The following ARHGEF12 variants were observed in gnomAD, a reference collection of about 807,000 sequenced individuals.
The protein encoded by ARHGEF12 is Rho guanine nucleotide exchange factor 12, also known as KMT2A/ARHGEF12 fusion protein.
Under a neutral mutation model 211.2 loss-of-function variants are expected in ARHGEF12, and 66 were observed. The ratio of observed to expected loss-of-function variants is 0.31; its 90% CI spans 0.26 to 0.38. ARHGEF12 has a LOEUF of 0.38. ARHGEF12 is among the 10% of genes least tolerant of loss of function. ARHGEF12 has a pLI of 1.00. For missense variants in ARHGEF12, 1,429 were observed against 1,869.5 expected, an observed-to-expected ratio of 0.76 and a Z score of 4.34; for synonymous variants, 592 against 638.4, an observed-to-expected ratio of 0.93 and a Z score of 1.09.
Position 120,446,925 on chromosome 11 carries a change from G to C in ARHGEF12, c.1452-23G>C, listed in dbSNP as rs183519702. 2.9e-4 allele frequency: 460 copies of C among 1,607,346 alleles called. 2 individuals are homozygous for C. In the African/African-American group the frequency reaches 5.6e-3, roughly 20 times the overall value. ...GGTAGTTTTTCTTTAGGCTACCTCAGGAAACTTCTCTATTCCCTTCAGGCA... is the reference window on the plus strand; with the variant it reads ...GGTAGTTTTTCTTTAGGCTACCTCACGAAACTTCTCTATTCCCTTCAGGCA... On this transcript the variant is annotated intron_variant, in intron 17 of 40. Coordinates refer to ENST00000397843, the MANE Select transcript of ARHGEF12 (RefSeq NM_015313.3).
At chr11:120,394,641 GAGAAAATTAATAAAATTATTAAACCTCT>G (rs1473989685) in intron 1 of ARHGEF12, among the ~76,000 whole-genome samples, 12 of 151,814 alleles carry the variant, frequency 7.9e-5, no homozygotes, top group Non-Finnish European at 1.2e-4. Flanking sequence ...TGGTTCTTTT[GAGAAAATTAATAAAATTATTAAACCTCT>G]AGCCAGCTGA....
chr11:120,479,876 G>T, intron 37 of ARHGEF12, 84 bp from the exon 38 acceptor site: 3 of 1,101,660 alleles, frequency 2.7e-6, no homozygotes, highest in Middle Eastern at 2.1e-4. Context: ...ATAGATCATT[G>T]GTAAGTCAGC....
intron 1 of ARHGEF12, among the ~76,000 whole-genome samples, chr11:120,399,865 C>G (rs1016879773): frequency 6.6e-6 from 1 of 151,974 alleles, no homozygotes; most frequent in Non-Finnish European, 1.5e-5. Flanking sequence ...GAGTAGTACT[C>G]TTTTTTTAAA....
chr11:120,377,435 G>T (rs553478650), intron 1 of ARHGEF12, among the ~76,000 whole-genome samples: 1 of 152,018 alleles, frequency 6.6e-6, no homozygotes, highest in South Asian at 2.1e-4. Context: ...TAATATCCTG[G>T]GCTCAAGTGA....
intron 27 of ARHGEF12, 78 bp downstream of exon 27, chr11:120,460,835 C>A (rs1377789654): frequency 4.1e-6 from 5 of 1,221,432 alleles, no homozygotes; most frequent in Middle Eastern, 1.9e-4. Flanking sequence ...ACTAACCTTT[C>A]CAAATATGCA....
rs771438057 is a variant in ARHGEF12, at chr11:120,446,937, A to T, written c.1452-11A>T. On this transcript the variant is annotated splice_polypyrimidine_tract_variant and intron_variant, in intron 17 of 40. Transcript: ENST00000397843. ...TTAGGCTACCTCAGGAAACTTCTCT[A>T]TTCCCTTCAGGCAGAAACGTAGTAT... The T allele has an allele frequency of 2.5e-5, 40 of 1,612,086 alleles. No homozygotes were observed. Among genetic ancestry groups the T allele is most frequent in the Non-Finnish European group, 3.2e-5 (38 of 1,179,394 alleles).
chr11:120,406,898 A>C (rs2135574823), intron 2 of ARHGEF12, among the ~76,000 whole-genome samples: 1 of 152,276 alleles, frequency 6.6e-6, no homozygotes, highest in South Asian at 2.1e-4. Flanking sequence ...AAAAATCCAA[A>C]ATGTTAAAAT....
chr11:120,406,249 A>G, intron 2 of ARHGEF12, 108 bp downstream of exon 2: 3 of 654,920 alleles, frequency 4.6e-6, no homozygotes, highest in Non-Finnish European at 4.8e-6. Context: ...ATGTGTATTC[A>G]AGTAATTCAA....
intron 1 of ARHGEF12, among the ~76,000 whole-genome samples, chr11:120,400,437 T>G (rs1434244536): frequency 4.6e-5 from 7 of 152,198 alleles, no homozygotes. Flanking sequence ...GTGAGGATAC[T>G]TGTTTAAGTA....
At chr11:120,350,612 T>G (rs1012249118) in intron 1 of ARHGEF12, among the ~76,000 whole-genome samples, 2 of 150,002 alleles carry the variant, frequency 1.3e-5, no homozygotes, top group African/African-American at 4.9e-5. Flanking sequence ...TTTAAAAATG[T>G]GGTTACTTTC....
chr11:120,408,006 A>G (rs918588593), intron 3 of ARHGEF12, 183 bp downstream of exon 3: 2 of 512,284 alleles, frequency 3.9e-6, no homozygotes, highest in Admixed American at 3.5e-5. Flanking sequence ...TTAACTTCCA[A>G]CACTGTACAT....
At chr11:120,349,022 A>G (rs770695825) in intron 1 of ARHGEF12, among the ~76,000 whole-genome samples, 1 of 152,202 alleles carries the variant, frequency 6.6e-6, no homozygotes, top group South Asian at 2.1e-4. Context: ...CATTTTGGGT[A>G]AGGGATACCC....
chr11:120,416,383 A>G (rs962209320), intron 4 of ARHGEF12, among the ~76,000 whole-genome samples: 2 of 152,220 alleles, frequency 1.3e-5, no homozygotes, highest in Non-Finnish European at 2.9e-5. Context: ...ATAAAAACAA[A>G]TACAAATCAG....
chr11:120,394,896 A>G (rs1403968395), intron 1 of ARHGEF12, among the ~76,000 whole-genome samples: 5 of 151,808 alleles, frequency 3.3e-5, no homozygotes, highest in Non-Finnish European at 7.4e-5. Flanking sequence ...CATCTTTACT[A>G]AAAATACAAA....
At chr11:120,472,104 C>T (rs1946885455) in intron 30 of ARHGEF12, among the ~76,000 whole-genome samples, 1 of 151,782 alleles carries the variant, frequency 6.6e-6, no homozygotes, top group Non-Finnish European at 1.5e-5. Context: ...GGAACAGTCC[C>T]CAAGATATAA....
rs1185592894 is a variant in ARHGEF12, at chr11:120,336,438, C to T, written c.-806C>T. On this transcript the variant is annotated 5_prime_UTR_variant, in exon 1 of 41. Transcript: ENST00000397843. ...AGAACCCGGCGAGCCGGCCCTGCGC[C>T]GGGAGACGCCGCCGCCTCCGCCTCC... Among the ~76,000 whole-genome samples the T allele has an allele frequency of 6.6e-6, 1 of 151,446 alleles. No homozygotes were observed. The highest frequency in any genetic ancestry group is 1.5e-5 in the Non-Finnish European group (1 of 67,788).
chr11:120,431,631 A>G, intron 10 of ARHGEF12, 140 bp from the exon 11 acceptor site: 1 of 817,824 alleles, frequency 1.2e-6, no homozygotes, highest in Non-Finnish European at 1.7e-6. Flanking sequence ...TAGAATTTTA[A>G]ACATACTTGA....
In ARHGEF12 at chr11:120,424,230, A is replaced by C. The variant is rs1945277597; in HGVS notation, c.349-128A>C. The C allele has an allele frequency of 8.8e-6, 5 of 565,538 alleles. No individual in the cohort carries two copies. In the South Asian group the frequency reaches 1.7e-4, roughly 19 times the overall value. 35.0% of individuals were successfully genotyped at this position (565,538 alleles called of 1,614,324 possible). ...TGAAAATGAATATTGAATCAAATAC[A>C]TAAATATTTTAATGTAATGTGATTA... On this transcript the variant is annotated intron_variant, in intron 6 of 40. Transcript: ENST00000397843.
At chr11:120,354,196 A>G (rs1365774364) in intron 1 of ARHGEF12, among the ~76,000 whole-genome samples, 1 of 152,156 alleles carries the variant, frequency 6.6e-6, no homozygotes, top group African/African-American at 2.4e-5. Context: ...GGCTTCTGAG[A>G]GAGAACCTGT....
Sources: allele counts gnomAD v4.1 joint callset (sites outside exome capture counted in the v4.1 genomes callset), GRCh38; gene constraint gnomAD v4.1.1; transcripts MANE v1.5; gene names NCBI Gene and HGNC (gene_info 2026-07-23, HGNC 2026-07-21).